Variants in SV2B observed in about 807,000 individuals in gnomAD.
The protein encoded by SV2B is solute carrier family 22 member B2.
A neutral mutation model predicts 73.9 loss-of-function variants in SV2B; 41 were observed. The observed-to-expected ratio is 0.56, with a 90% confidence interval of 0.43 to 0.72. The LOEUF (loss-of-function observed/expected upper bound fraction) is 0.72, where lower values mean the gene tolerates loss of function less well. Among genes scored for constraint, SV2B ranks in the 30% least tolerant of loss-of-function variants. SV2B has a pLI of 0.00. For synonymous variants in SV2B, 314 were observed against 314.2 expected (o/e 1.00, Z 0.01); for missense variants, 764 against 857.8 (o/e 0.89, Z 1.37).
chr15:91,121,737 G>A lies in SV2B; in HGVS notation c.-392+21374G>A, dbSNP rs184226458. The stretch of plus-strand genomic sequence containing the variant: ...CCTTTACACCACTCCTTTCCCCTTC[G>A]CGCTCACCTCAAGAAACCATCTATT... On this transcript the variant is annotated intron_variant, in intron 1 of 12. Coordinates refer to ENST00000394232, the MANE Select transcript of SV2B (RefSeq NM_001323032.3). The surrounding 1 kb of genome is among the most constrained non-coding windows in gnomAD (Gnocchi z 4.4). Among the ~76,000 whole-genome samples, 11 of 149,284 alleles carry A rather than the reference G, an allele frequency of 7.4e-5. No homozygotes were observed. The highest frequency in any genetic ancestry group is 1.9e-4 in the East Asian group (1 of 5,142).
chr15:91,212,678 C>T, intron 1 of SV2B, among the ~76,000 whole-genome samples: 1 of 151,968 alleles, frequency 6.6e-6, no homozygotes, highest in East Asian at 1.9e-4. Flanking sequence ...AGCTGGCTGG[C>T]CACGGTGGCT....
rs116346421 is a variant in SV2B, at chr15:91,182,845, C to G, written c.-391-43028C>G. 7.9e-3 allele frequency among the ~76,000 whole-genome samples: 1,199 copies of G among 152,268 alleles called. 20 individuals carry two copies. Among genetic ancestry groups the G allele is most frequent in the African/African-American group, 0.028 (1,151 of 41,526 alleles). On this transcript the variant is annotated intron_variant, in intron 1 of 12. Coordinates refer to ENST00000394232, the MANE Select transcript of SV2B (RefSeq NM_001323032.3). ...GGATATTAATTAATCATAAACCAAACTCAAATGCATGTAGATGTACACACA... is the reference window on the plus strand; with the variant it reads ...GGATATTAATTAATCATAAACCAAAGTCAAATGCATGTAGATGTACACACA...
intron 4 of SV2B, among the ~76,000 whole-genome samples, chr15:91,254,514 G>A (rs1447930825): frequency 2.0e-5 from 3 of 152,178 alleles, no homozygotes; most frequent in African/African-American, 7.2e-5. Context: ...TGGGATTACA[G>A]ATGTCAGCCA....
rs562207004 is a variant in SV2B, at chr15:91,275,600, G to A, written c.1374-6128G>A. On this transcript the variant is annotated intron_variant, in intron 9 of 12. Transcript: ENST00000394232. ...AGCACTTTGGGAGGCCAAGGTGGGC[G>A]GAATGCCTGAGCTCAGGAGTTCGAG... Among the ~76,000 whole-genome samples, 18 of 152,290 alleles carry A rather than the reference G, an allele frequency of 1.2e-4. No individual in the cohort carries two copies. In the South Asian group the frequency reaches 2.1e-3, roughly 18 times the overall value.
In SV2B at chr15:91,140,645, A is replaced by G. The variant is rs72764734; in HGVS notation, c.-392+40282A>G. On this transcript the variant is annotated intron_variant, in intron 1 of 12. Transcript: ENST00000394232. The surrounding 1 kb of genome is among the most constrained non-coding windows in gnomAD (Gnocchi z 4.4). ...CAACAGAGTGGAGAACATGTCTGAC[A>G]GTCAGTTTTTCTTTCCACACTAGGC... Among the ~76,000 whole-genome samples, 20,379 of 152,112 alleles carry G rather than the reference A, an allele frequency of 0.13. 1,504 individuals are homozygous for G. The highest frequency in any genetic ancestry group is 0.19 in the African/African-American group (7,764 of 41,460).
At position 91,252,521 on chromosome 15, in the gene SV2B, G is replaced by A. The variant is rs1308685606; in HGVS notation, c.784+1G>A. ...GCCTGGAGCATCATCCCACACTATG[G>A]TGAGTCATGGCTCCAAACAGCCTAG... On this transcript the variant is annotated splice_donor_variant, in intron 4 of 12. Coordinates refer to ENST00000394232, the MANE Select transcript of SV2B (RefSeq NM_001323032.3). LOFTEE classifies it high-confidence loss of function. The surrounding 1 kb of genome is among the most constrained non-coding windows in gnomAD (Gnocchi z 4.6). 1 of 1,602,948 alleles carries A rather than the reference G, an allele frequency of 6.2e-7. No individual in the cohort carries two copies.
Position 91,201,497 on chromosome 15 carries a change from C to G in SV2B, c.-391-24376C>G, listed in dbSNP as rs377319401. Among the ~76,000 whole-genome samples the G allele has an allele frequency of 5.2e-4, 79 of 152,330 alleles. 3 individuals carry two copies. In the South Asian group the frequency reaches 0.016, roughly 32 times the overall value. On this transcript the variant is annotated intron_variant, in intron 1 of 12. Transcript: ENST00000394232. The stretch of plus-strand genomic sequence containing the variant: ...TGAGACTCAACTCTGGGTAGCCTGG[C>G]TGTAGAATCTCTTTTCATAAGCCGT...
intron 1 of SV2B, among the ~76,000 whole-genome samples, chr15:91,152,057 A>C (rs985737208): frequency 1.4e-5 from 2 of 142,716 alleles, no homozygotes; most frequent in African/African-American, 5.4e-5. Flanking sequence ...TGTCAATCTG[A>C]GTTAATTTTT....
rs557363006 is a variant in SV2B, at chr15:91,124,892, G to C, written c.-392+24529G>C. Among the ~76,000 whole-genome samples, 44 of 152,252 alleles carry C rather than the reference G, an allele frequency of 2.9e-4. 1 individual carries two copies. In the South Asian group the frequency reaches 8.7e-3, roughly 30 times the overall value. On this transcript the variant is annotated intron_variant, in intron 1 of 12. Coordinates refer to ENST00000394232, the MANE Select transcript of SV2B (RefSeq NM_001323032.3). This position sits in a 1 kb window ranked among gnomAD's most constrained non-coding sequence, Gnocchi z 4.6. The stretch of plus-strand genomic sequence containing the variant: ...TGGTCTCGAACTCCTGACTTCAAGT[G>C]ATCCACCCGCCTCGGCCTCCCAAAG...
At chr15:91,271,009 C>T (rs143057769) in intron 9 of SV2B, among the ~76,000 whole-genome samples, 4,038 of 144,244 alleles carry the variant, frequency 0.028, 768 homozygotes, top group African/African-American at 0.1. Context: ...GATGGGAGGA[C>T]GGTGAGTCCT....
At chr15:91,152,141 CCA>C (rs2043334189) in intron 1 of SV2B, among the ~76,000 whole-genome samples, 1 of 148,480 alleles carries the variant, frequency 6.7e-6, no homozygotes, top group Non-Finnish European at 1.5e-5. Context: ...AGCAAAGCTT[CCA>C]CAGTGTGGAA....
intron 1 of SV2B, among the ~76,000 whole-genome samples, chr15:91,201,257 C>T (rs985663072): frequency 3.3e-5 from 5 of 152,138 alleles, no homozygotes; most frequent in African/African-American, 4.8e-5. Flanking sequence ...GTGTTACATC[C>T]GTTGGGAACC....
rs996075540 is a variant in SV2B, at chr15:91,300,511, T to G, written c.*7959T>G. On this transcript the variant is annotated 3_prime_UTR_variant, in exon 13 of 13. Transcript: ENST00000394232. ...GTAGCCAAAACTTGGAAAGTTCAAA[T>G]TAATCTTTGGGCTCCAAAGAGCAAT... The G allele has an allele frequency of 6.6e-6, 1 of 152,360 alleles. No individual in the cohort carries two copies. The highest frequency in any genetic ancestry group is 1.9e-4 in the East Asian group (1 of 5,184). The allele number at this position is 152,360 out of a possible 1,614,324, so 9.4% of individuals were successfully genotyped here. A position where few individuals can be genotyped will look rare whatever the true frequency, so the allele number is the denominator to read the frequency against.
chr15:91,257,332 C>T (rs2047733663), intron 4 of SV2B, among the ~76,000 whole-genome samples: 1 of 152,140 alleles, frequency 6.6e-6, no homozygotes. Context: ...CAGTGCAGTT[C>T]GATGGGATCA....
rs2048061111 is a variant in SV2B, at chr15:91,265,290, G to T, written c.1009-1292G>T. Among the ~76,000 whole-genome samples, 1 of 152,330 alleles carries T rather than the reference G, an allele frequency of 6.6e-6. No homozygotes were observed. The highest frequency in any genetic ancestry group is 1.5e-5 in the Non-Finnish European group (1 of 68,030). The stretch of plus-strand genomic sequence containing the variant: ...AAACTCACAGTGAAACCTTTGGAAG[G>T]AGAAGGAGTTGAAGCATTCGGCTGA... On this transcript the variant is annotated intron_variant, in intron 6 of 12. Coordinates refer to ENST00000394232, the MANE Select transcript of SV2B (RefSeq NM_001323032.3). The surrounding 1 kb of genome is among the most constrained non-coding windows in gnomAD (Gnocchi z 4.2).
intron 1 of SV2B, among the ~76,000 whole-genome samples, chr15:91,188,088 A>G (rs1451983834): frequency 1.3e-5 from 2 of 151,916 alleles, no homozygotes; most frequent in Non-Finnish European, 2.9e-5. Flanking sequence ...TATTTTATCC[A>G]TAAGTTTTTC....
chr15:91,231,623 C>G lies in SV2B; in HGVS notation c.451+4909C>G, dbSNP rs1158058270. On this transcript the variant is annotated intron_variant, in intron 2 of 12. Transcript: ENST00000394232. This position sits in a 1 kb window ranked among gnomAD's most constrained non-coding sequence, Gnocchi z 4.5. ...CTGCCTGCATTTGATAAATTGACAC[C>G]AATTTTTCACAACTGCAAATAAGCA... is the stretch of plus-strand genomic sequence containing the variant. Among the ~76,000 whole-genome samples the G allele has an allele frequency of 6.6e-6, 1 of 152,118 alleles. No homozygotes were observed. The highest frequency in any genetic ancestry group is 2.4e-5 in the African/African-American group (1 of 41,416).
chr15:91,172,392 G>A (rs2044152894), intron 1 of SV2B, among the ~76,000 whole-genome samples: 1 of 152,198 alleles, frequency 6.6e-6, no homozygotes, highest in South Asian at 2.1e-4. Context: ...GCTAGGCACG[G>A]GGCCTACTGA....
In SV2B at chr15:91,130,191, T is replaced by C. The variant is rs2042599616; in HGVS notation, c.-392+29828T>C. ...GCTAGGACTTGGCAAGTCTAGGAAG[T>C]GGGGCTGAGGAGAGTGAGAGGAGTG... On this transcript the variant is annotated intron_variant, in intron 1 of 12. Transcript: ENST00000394232. This position sits in a 1 kb window ranked among gnomAD's most constrained non-coding sequence, Gnocchi z 5.6. Among the ~76,000 whole-genome samples, 1 of 151,994 alleles carries C rather than the reference T, an allele frequency of 6.6e-6. No individual in the cohort carries two copies. Among genetic ancestry groups the C allele is most frequent in the Non-Finnish European group, 1.5e-5 (1 of 67,970 alleles).
Sources: gnomAD v4.1 joint callset for allele counts (sites outside exome capture counted in the v4.1 genomes callset) on GRCh38, gnomAD v4.1.1 for gene constraint, Gnocchi (gnomAD v3.1) non-coding constraint, MANE v1.5 for transcripts, NCBI Gene and HGNC (gene_info 2026-07-23, HGNC 2026-07-21) for gene names.